Variants in OVCH1 observed in about 807,000 individuals in gnomAD.
OVCH1 encodes the protein ovochymase 1.
OVCH1 carries 139 observed loss-of-function variants against 138.4 expected under a neutral mutation model. The observed-to-expected ratio is 1.00, with a 90% CI of 0.87 to 1.16. The LOEUF is 1.16. OVCH1 is among the 50% of genes most tolerant of loss of function. The pLI is 0.00. For synonymous variants in OVCH1, 453 were observed against 467.8 expected (o/e 0.97, Z 0.41); for missense variants, 1,367 against 1,357.9 (o/e 1.01, Z -0.11).
intron 14 of OVCH1, among the ~76,000 whole-genome samples, chr12:29,474,315 C>G (rs1037068330): frequency 1.3e-5 from 2 of 152,182 alleles, no homozygotes; most frequent in Admixed American, 1.3e-4. Flanking sequence ...TCTGACTCCA[C>G]CTCTTGCCAG....
chr12:29,417,791 G>GTGTC (rs979553620), intron 3 of OVCH1, among the ~76,000 whole-genome samples: 2 of 139,398 alleles, frequency 1.4e-5, no homozygotes, highest in African/African-American at 5.0e-5. Flanking sequence ...GTGTGTGTGT[G>GTGTC]TGTCTGTGTC....
chr12:29,426,620 A>C (rs1246694004), downstream of OVCH1, among the ~76,000 whole-genome samples: 1 of 152,090 alleles, frequency 6.6e-6, no homozygotes, highest in African/African-American at 2.4e-5. Flanking sequence ...CATCTCCATA[A>C]ATGCTTTCTC....
At chr12:29,497,636 G>A in exon 1 of OVCH1, 2 of 1,613,910 alleles carry the variant, frequency 1.2e-6, no homozygotes, top group Admixed American at 1.7e-5. Flanking sequence ...GGCTTCTGGG[G>A]TGGCCGATGA....
chr12:29,482,259 T>A (rs1942959369), intron 8 of OVCH1, among the ~76,000 whole-genome samples: 1 of 152,192 alleles, frequency 6.6e-6, no homozygotes, highest in Non-Finnish European at 1.5e-5. Flanking sequence ...CCAAGTGTAT[T>A]CTTGTCTCAC....
chr12:29,444,299 G>A lies in OVCH1; in HGVS notation c.2882-19C>T. On this transcript the variant is annotated intron_variant, in intron 23 of 27. Transcript: ENST00000318184. ...TTTGGACCTAAAAGAACAGGAAGCA[G>A]AGAAAATGAGAATAAAACCAATTTT... 6.2e-7 allele frequency: 1 copy of A among 1,607,172 alleles called. No individual in the cohort carries two copies. The highest frequency in any genetic ancestry group is 8.5e-7 in the Non-Finnish European group (1 of 1,176,622).
chr12:29,444,070 A>C, intron 24 of OVCH1, 75 bp downstream of exon 24: 1 of 1,451,414 alleles, frequency 6.9e-7, no homozygotes, highest in Non-Finnish European at 9.2e-7. Context: ...GTTTTAAGCA[A>C]GTACCAAGTG....
downstream of OVCH1, among the ~76,000 whole-genome samples, chr12:29,424,971 C>CCTTA (rs1941159088): frequency 6.6e-6 from 1 of 152,074 alleles, no homozygotes; most frequent in South Asian, 2.1e-4. Context: ...AACATGGGAT[C>CCTTA]CTTAACACGC....
At chr12:29,402,820 G>T in the OVCH1 span, among the ~76,000 whole-genome samples, 3 of 152,032 alleles carry the variant, frequency 2.0e-5, no homozygotes, top group African/African-American at 7.2e-5. Context: ...ACAGGAGGTG[G>T]GGAAGAGAGA....
At chr12:29,483,557 G>A (rs547465989) in intron 8 of OVCH1, among the ~76,000 whole-genome samples, 18 of 151,980 alleles carry the variant, frequency 1.2e-4, no homozygotes, top group South Asian at 4.2e-4. Context: ...TCTCTGCATG[G>A]AACTCAAGGT....
At chr12:29,429,454 A>C (rs1941232469) in intron 27 of OVCH1, among the ~76,000 whole-genome samples, 1 of 152,228 alleles carries the variant, frequency 6.6e-6, no homozygotes, top group South Asian at 2.1e-4. Flanking sequence ...TATTGTTCCC[A>C]AGGCCAATGT....
At chr12:29,423,125 A>C (rs553324241), downstream of OVCH1, 70 of 425,214 alleles carry the variant, frequency 1.6e-4, 1 homozygote, top group African/African-American at 1.4e-3. Flanking sequence ...GCAATTACTT[A>C]CCACTGATAG....
chr12:29,433,403 C>T (rs952319008), intron 27 of OVCH1, among the ~76,000 whole-genome samples: 3 of 152,172 alleles, frequency 2.0e-5, no homozygotes, highest in Non-Finnish European at 4.4e-5. Context: ...ACTCCTCTTT[C>T]ACCTTCCGCC....
intron 5 of OVCH1, among the ~76,000 whole-genome samples, chr12:29,490,788 A>T (rs1943251842): frequency 6.6e-6 from 1 of 152,162 alleles, no homozygotes; most frequent in Non-Finnish European, 1.5e-5. Context: ...TCACAATATT[A>T]AAGACAAAGA....
At chr12:29,438,466 G>A (rs564485375) in intron 26 of OVCH1, among the ~76,000 whole-genome samples, 1 of 150,952 alleles carries the variant, frequency 6.6e-6, no homozygotes, top group Non-Finnish European at 1.5e-5. Context: ...CATCCCTCCA[G>A]AAAAAAAAAA....
At chr12:29,464,028 G>A (rs895920354) in intron 18 of OVCH1, among the ~76,000 whole-genome samples, 3 of 152,098 alleles carry the variant, frequency 2.0e-5, no homozygotes, top group Admixed American at 1.3e-4. Context: ...CCCAAACACG[G>A]GCACAAGCCA....
intron 26 of OVCH1, chr12:29,433,840 G>A (rs1225398420): frequency 2.2e-6 from 3 of 1,368,734 alleles, no homozygotes; most frequent in Non-Finnish European, 2.9e-6. Context: ...TGTTTTTAAT[G>A]GAAATGCCTC....
intron 25 of OVCH1, among the ~76,000 whole-genome samples, chr12:29,439,587 A>G (rs1941435967): frequency 1.3e-5 from 2 of 152,174 alleles, no homozygotes; most frequent in African/African-American, 4.8e-5. Context: ...CACCAGATGT[A>G]TGGGATTTTT....
intron 27 of OVCH1, among the ~76,000 whole-genome samples, chr12:29,427,897 T>G: frequency 6.6e-6 from 1 of 152,222 alleles, no homozygotes; most frequent in Non-Finnish European, 1.5e-5. Context: ...AAATTCAGGT[T>G]GTCTCATTTG....
intron 16 of OVCH1, among the ~76,000 whole-genome samples, chr12:29,469,134 A>C (rs1008687563): frequency 2.0e-5 from 3 of 152,194 alleles, no homozygotes; most frequent in African/African-American, 4.8e-5. Flanking sequence ...GTTTCCCAAA[A>C]GTAAGTATGG....
Sources: allele counts gnomAD v4.1 joint callset (sites outside exome capture counted in the v4.1 genomes callset), GRCh38; gene constraint gnomAD v4.1.1; transcripts MANE v1.5; gene names NCBI Gene and HGNC (gene_info 2026-07-23, HGNC 2026-07-21).